KHDRBS2: variants seen among roughly 807,000 people sequenced by gnomAD.
The protein encoded by KHDRBS2 is KH domain-containing, RNA-binding, signal transduction-associated protein 2.
In KHDRBS2, 26 loss-of-function variants were observed where a neutral mutation model predicts 44.3. The ratio of observed to expected loss-of-function variants is 0.59; its 90% CI spans 0.43 to 0.81. The LOEUF is 0.81. Ranked by LOEUF, KHDRBS2 falls within the 40% of genes least tolerant of loss-of-function variation. The pLI is 0.00. For synonymous variants in KHDRBS2, 194 were observed against 151.1 expected (o/e 1.28, Z -2.08); for missense variants, 476 against 433.1 (o/e 1.10, Z -0.88).
At chr6:62,230,791 T>C (rs1157587156) in intron 1 of KHDRBS2, among the ~76,000 whole-genome samples, 1 of 152,214 alleles carries the variant, frequency 6.6e-6, no homozygotes, top group Non-Finnish European at 1.5e-5. Flanking sequence ...ACTATGCTGC[T>C]ACTATCAGGA....
intron 4 of KHDRBS2, among the ~76,000 whole-genome samples, chr6:61,975,686 G>T (rs1562565121): frequency 2.1e-5 from 2 of 95,534 alleles, no homozygotes; most frequent in African/African-American, 8.1e-5. Context: ...CACACAGAGA[G>T]ATATAAAACA....
intron 6 of KHDRBS2, among the ~76,000 whole-genome samples, chr6:61,831,795 T>C (rs544715619): frequency 5.9e-5 from 9 of 152,276 alleles, no homozygotes; most frequent in African/African-American, 2.2e-4. Flanking sequence ...AATATGCCAA[T>C]ATAGAATAAC....
At chr6:61,843,548 G>A (rs1793921794) in intron 6 of KHDRBS2, among the ~76,000 whole-genome samples, 1 of 151,368 alleles carries the variant, frequency 6.6e-6, no homozygotes, top group African/African-American at 2.4e-5. Flanking sequence ...TATTTTTTTA[G>A]TAGAGACGGG....
At chr6:62,123,814 G>A (rs1808299923) in intron 2 of KHDRBS2, among the ~76,000 whole-genome samples, 1 of 152,094 alleles carries the variant, frequency 6.6e-6, no homozygotes, top group African/African-American at 2.4e-5. Context: ...TGGGACCTGT[G>A]GACACTTATG....
intron 6 of KHDRBS2, among the ~76,000 whole-genome samples, chr6:61,860,838 G>C (rs1327069322): frequency 2.0e-5 from 3 of 152,018 alleles, no homozygotes; most frequent in Non-Finnish European, 4.4e-5. Context: ...CCCACCAAAA[G>C]TGTAAAAGCA....
chr6:61,638,270 C>T, the KHDRBS2 span, among the ~76,000 whole-genome samples: 77 of 152,096 alleles, frequency 5.1e-4, no homozygotes, highest in African/African-American at 1.8e-3. Context: ...TACAAGGCTA[C>T]AGTAACCAAA....
chr6:61,797,355 A>C (rs1318437437), intron 6 of KHDRBS2, among the ~76,000 whole-genome samples: 1 of 152,174 alleles, frequency 6.6e-6, no homozygotes, highest in Non-Finnish European at 1.5e-5. Flanking sequence ...CCAGTAAGGT[A>C]GGTATTTATA....
chr6:62,105,648 T>A (rs935738602), intron 2 of KHDRBS2, among the ~76,000 whole-genome samples: 2 of 152,154 alleles, frequency 1.3e-5, no homozygotes, highest in African/African-American at 4.8e-5. Flanking sequence ...TTTTATTGTG[T>A]CTATTTGATT....
At chr6:62,018,086 G>C (rs1235249749) in intron 3 of KHDRBS2, among the ~76,000 whole-genome samples, 1 of 150,748 alleles carries the variant, frequency 6.6e-6, no homozygotes, top group Admixed American at 6.6e-5. Flanking sequence ...GGTAATAAAA[G>C]AACAATAATA....
At chr6:61,545,131 A>G in the KHDRBS2 span, among the ~76,000 whole-genome samples, 7 of 152,120 alleles carry the variant, frequency 4.6e-5, no homozygotes, top group East Asian at 1.2e-3. Flanking sequence ...TGACTAGCTC[A>G]ATGTTTTGTC....
chr6:61,894,536 A>T (rs1802553561), intron 6 of KHDRBS2, 99 bp downstream of exon 6: 1 of 923,250 alleles, frequency 1.1e-6, no homozygotes. Flanking sequence ...TGCAACAAAC[A>T]TTACCTGCTA....
At chr6:61,558,214 A>T in the KHDRBS2 span, among the ~76,000 whole-genome samples, 1 of 151,870 alleles carries the variant, frequency 6.6e-6, no homozygotes, top group Admixed American at 6.6e-5. Context: ...AAGATGAATC[A>T]TTATGTTGTT....
intron 4 of KHDRBS2, among the ~76,000 whole-genome samples, chr6:61,927,308 A>G (rs563224560): frequency 1.3e-5 from 2 of 152,268 alleles, no homozygotes; most frequent in East Asian, 3.9e-4. Context: ...TATAAGCCAA[A>G]TATTGGTAAT....
the KHDRBS2 span, among the ~76,000 whole-genome samples, chr6:61,611,248 C>T: frequency 6.6e-6 from 1 of 152,090 alleles, no homozygotes; most frequent in Non-Finnish European, 1.5e-5. Context: ...AGTCATTTAC[C>T]AATCTGTTCT....
intron 2 of KHDRBS2, among the ~76,000 whole-genome samples, chr6:62,131,229 T>G (rs960436214): frequency 6.6e-6 from 1 of 152,230 alleles, no homozygotes; most frequent in African/African-American, 2.4e-5. Context: ...GAATTGAGAC[T>G]GATTTTGAAT....
chr6:62,004,699 CACA>C (rs1461994666), intron 3 of KHDRBS2, among the ~76,000 whole-genome samples: 4 of 151,874 alleles, frequency 2.6e-5, no homozygotes, highest in South Asian at 2.1e-4. Context: ...CTGGCAGAGG[CACA>C]ACAACAAAAA....
At chr6:61,707,610 A>T (rs1174978026) in intron 7 of KHDRBS2, among the ~76,000 whole-genome samples, 1 of 151,820 alleles carries the variant, frequency 6.6e-6, no homozygotes, top group Non-Finnish European at 1.5e-5. Context: ...ACATTCAAGC[A>T]AGCTTGAATT....
At chr6:61,740,900 A>G (rs1217860649) in intron 6 of KHDRBS2, among the ~76,000 whole-genome samples, 5 of 151,940 alleles carry the variant, frequency 3.3e-5, no homozygotes, top group Admixed American at 6.6e-5. Flanking sequence ...GTAGTCATCA[A>G]CATATGCATG....
chr6:62,104,083 C>T (rs1195770910), intron 2 of KHDRBS2, among the ~76,000 whole-genome samples: 2 of 152,076 alleles, frequency 1.3e-5, no homozygotes, highest in African/African-American at 4.8e-5. Context: ...ATTTTTATTG[C>T]TTAAATTACT....
Sources: gnomAD v4.1 joint callset for allele counts (sites outside exome capture counted in the v4.1 genomes callset) on GRCh38, gnomAD v4.1.1 for gene constraint, MANE v1.5 for transcripts, NCBI Gene and HGNC (gene_info 2026-07-23, HGNC 2026-07-21) for gene names.